The following AUTS2 variants were observed in gnomAD, a reference collection of about 807,000 sequenced individuals.
AUTS2 encodes the protein activator of transcription and developmental regulator AUTS2, also known as autism susceptibility gene 2 protein.
AUTS2 carries 17 observed loss-of-function variants against 112.4 expected under a neutral mutation model. That is an observed-to-expected ratio of 0.15 (90% confidence interval 0.10 to 0.23). AUTS2 has a LOEUF of 0.23. Ranked by LOEUF, AUTS2 falls within the 10% of genes least tolerant of loss-of-function variation. AUTS2 has a pLI of 1.00. For synonymous variants in AUTS2, 751 were observed against 702.7 expected (o/e 1.07, Z -1.09); for missense variants, 1,510 against 1,701.6 (o/e 0.89, Z 1.98).
At chr7:70,362,420 C>T (rs1416163459) in intron 4 of AUTS2, among the ~76,000 whole-genome samples, 1 of 152,110 alleles carries the variant, frequency 6.6e-6, no homozygotes, top group African/African-American at 2.4e-5. Flanking sequence ...TGAGATTCTG[C>T]AGCAGAGAAG....
intron 5 of AUTS2, among the ~76,000 whole-genome samples, chr7:70,691,429 A>G (rs909789043): frequency 2.0e-5 from 3 of 152,282 alleles, no homozygotes; most frequent in South Asian, 2.1e-4. Context: ...GGAAAAAAAA[A>G]AAAAACAATC....
chr7:70,172,251 C>G (rs1254677575), intron 4 of AUTS2, among the ~76,000 whole-genome samples: 2 of 152,172 alleles, frequency 1.3e-5, no homozygotes, highest in African/African-American at 4.8e-5. Flanking sequence ...GATTCTATAT[C>G]CTCAGTTCTT....
At chr7:70,134,629 A>G (rs1562727031) in intron 4 of AUTS2, 58 bp downstream of exon 4, 42 of 1,483,598 alleles carry the variant, frequency 2.8e-5, no homozygotes, top group Non-Finnish European at 4.0e-5. Context: ...TTCCTTCTAT[A>G]ATGAATGCTC....
intron 1 of AUTS2, among the ~76,000 whole-genome samples, chr7:69,737,197 G>T (rs759004805): frequency 1.3e-5 from 2 of 152,118 alleles, no homozygotes; most frequent in Non-Finnish European, 2.9e-5. Context: ...TATGTTGTGC[G>T]AGTGTATAGA....
chr7:69,970,301 G>T (rs1158146167), intron 2 of AUTS2, among the ~76,000 whole-genome samples: 1 of 152,100 alleles, frequency 6.6e-6, no homozygotes. Context: ...TATAAGTGAT[G>T]ATTCCAAAAG....
In AUTS2 at chr7:70,047,455, G is replaced by A. The variant is rs189354044; in HGVS notation, c.523-70677G>A. Among the ~76,000 whole-genome samples, 899 of 152,204 alleles carry A rather than the reference G, an allele frequency of 5.9e-3. 2 individuals carry two copies. The highest frequency in any genetic ancestry group is 0.011 in the Admixed American group (167 of 15,298). ...TTTTTTATGTTTTTACTGCCACTTT[G>A]CCTTTATAACATGAGGTGATTTTAG... On this transcript the variant is annotated intron_variant, in intron 2 of 18. Coordinates refer to ENST00000342771, the MANE Select transcript of AUTS2 (RefSeq NM_015570.4).
At chr7:70,475,037 C>G (rs1356960740) in intron 5 of AUTS2, among the ~76,000 whole-genome samples, 1 of 152,174 alleles carries the variant, frequency 6.6e-6, no homozygotes, top group Non-Finnish European at 1.5e-5. Context: ...GTTCTCTTTC[C>G]TAAGACATGT....
At chr7:69,740,403 T>A (rs1320291630) in intron 1 of AUTS2, among the ~76,000 whole-genome samples, 1 of 152,220 alleles carries the variant, frequency 6.6e-6, no homozygotes, top group East Asian at 1.9e-4. Context: ...AGAGCTTATC[T>A]TTATTTAATC....
chr7:70,663,545 C>T (rs548730775), intron 5 of AUTS2, among the ~76,000 whole-genome samples: 4 of 151,910 alleles, frequency 2.6e-5, no homozygotes, highest in Non-Finnish European at 5.9e-5. Context: ...CTTACAGTGT[C>T]TTAGGGACCC....
chr7:70,148,637 T>A (rs962456095), intron 4 of AUTS2, among the ~76,000 whole-genome samples: 33 of 151,870 alleles, frequency 2.2e-4, no homozygotes, highest in Non-Finnish European at 3.4e-4. Flanking sequence ...TTTTTTTTTT[T>A]ATTGTGGGTG....
intron 1 of AUTS2, among the ~76,000 whole-genome samples, chr7:69,730,633 T>A (rs1178665123): frequency 4.6e-5 from 7 of 152,184 alleles, no homozygotes; most frequent in Admixed American, 4.6e-4. Context: ...GAATAACAAA[T>A]GTACAGAGAA....
chr7:70,256,691 G>C (rs1296322240), intron 4 of AUTS2, among the ~76,000 whole-genome samples: 1 of 152,162 alleles, frequency 6.6e-6, no homozygotes, highest in Non-Finnish European at 1.5e-5. Context: ...GGGACAACTT[G>C]CCCTTTATGC....
At chr7:70,267,269 T>C (rs75758256) in intron 4 of AUTS2, among the ~76,000 whole-genome samples, 70 of 148,940 alleles carry the variant, frequency 4.7e-4, no homozygotes, top group East Asian at 8.0e-4. Flanking sequence ...AGATAAACTC[T>C]AAATGTTTCT....
chr7:70,066,883 T>G (rs528406357), intron 2 of AUTS2, among the ~76,000 whole-genome samples: 4 of 152,248 alleles, frequency 2.6e-5, no homozygotes, highest in African/African-American at 9.6e-5. Context: ...TCATTTTTAC[T>G]TAGACTTTAT....
At chr7:69,945,986 G>A (rs1186612380) in intron 2 of AUTS2, among the ~76,000 whole-genome samples, 1 of 152,010 alleles carries the variant, frequency 6.6e-6, no homozygotes, top group African/African-American at 2.4e-5. Flanking sequence ...ATAGGCTCGT[G>A]CCCACCATGT....
chr7:70,140,941 G>A (rs1029231682), intron 4 of AUTS2, among the ~76,000 whole-genome samples: 5 of 152,134 alleles, frequency 3.3e-5, no homozygotes, highest in Admixed American at 1.3e-4. Context: ...GTTGCATAAC[G>A]TGTAAGCATG....
intron 4 of AUTS2, among the ~76,000 whole-genome samples, chr7:70,342,323 CT>C (rs551510185): frequency 2.8e-3 from 396 of 141,324 alleles, no homozygotes; most frequent in Middle Eastern, 3.6e-3. Flanking sequence ...ATAATTTTTT[CT>C]TTTTTTTTTT....
At chr7:69,934,357 G>GA (rs1466729096) in intron 2 of AUTS2, among the ~76,000 whole-genome samples, 14 of 152,198 alleles carry the variant, frequency 9.2e-5, no homozygotes, top group Non-Finnish European at 1.6e-4. Context: ...CACAGACTCT[G>GA]AACCCAAAGA....
chr7:69,607,745 G>C (rs1377067127), intron 1 of AUTS2, among the ~76,000 whole-genome samples: 1 of 152,172 alleles, frequency 6.6e-6, no homozygotes, highest in Non-Finnish European at 1.5e-5. Flanking sequence ...CCCATGTGCA[G>C]TAAAATGGAG....
Sources: gnomAD v4.1 joint callset for allele counts (sites outside exome capture counted in the v4.1 genomes callset) on GRCh38, gnomAD v4.1.1 for gene constraint, MANE v1.5 for transcripts, NCBI Gene and HGNC (gene_info 2026-07-23, HGNC 2026-07-21) for gene names.